CLIC5: variants seen among roughly 807,000 people sequenced by gnomAD.
CLIC5 encodes the protein CLIC family member 5.
CLIC5 carries 20 observed loss-of-function variants against 24.7 expected under a neutral mutation model. The observed-to-expected ratio is 0.81, with a 90% confidence interval of 0.57 to 1.18. The LOEUF (loss-of-function observed/expected upper bound fraction) is 1.18, where lower values mean the gene tolerates loss of function less well. Ranked by LOEUF, CLIC5 falls within the 50% of genes most tolerant of loss-of-function variation. CLIC5 has a pLI of 0.00. For missense variants in CLIC5, 341 were observed against 326.1 expected (o/e 1.05, Z -0.35); for synonymous variants, 159 against 135.6 (o/e 1.17, Z -1.20).
chr6:46,047,996 C>T (rs993588683), intron 1 of CLIC5, among the ~76,000 whole-genome samples: 1 of 144,532 alleles, frequency 6.9e-6, no homozygotes, highest in Admixed American at 7.5e-5. Context: ...ATATTCACTT[C>T]CATATCTACT....
the CLIC5 span, among the ~76,000 whole-genome samples, chr6:46,085,692 G>T: frequency 5.9e-4 from 90 of 152,298 alleles, no homozygotes; most frequent in Middle Eastern, 0.017. Flanking sequence ...CTACTGGGGG[G>T]TGCCTCCCAG....
intron 1 of CLIC5, among the ~76,000 whole-genome samples, chr6:46,060,148 G>A (rs1192936140): frequency 6.6e-6 from 1 of 152,092 alleles, no homozygotes; most frequent in African/African-American, 2.4e-5. Context: ...TATAATTTAG[G>A]AGGCATAGTC....
At chr6:46,080,075 A>G in exon 1 of CLIC5, 1 of 1,551,656 alleles carries the variant, frequency 6.4e-7, no homozygotes. Flanking sequence ...ACACAAAATC[A>G]TACTCATGGG....
intron 1 of CLIC5, among the ~76,000 whole-genome samples, chr6:46,024,503 A>T (rs1460640709): frequency 6.6e-6 from 1 of 152,152 alleles, no homozygotes; most frequent in Non-Finnish European, 1.5e-5. Context: ...ACCACCACTA[A>T]GACAGAACCT....
intron 1 of CLIC5, among the ~76,000 whole-genome samples, chr6:45,984,328 A>G (rs6935034): frequency 0.037 from 5,675 of 152,264 alleles, 350 homozygotes; most frequent in African/African-American, 0.13. Context: ...CCGCAATGCC[A>G]GTACTGTCAC....
intron 3 of CLIC5, among the ~76,000 whole-genome samples, chr6:45,945,443 G>A (rs1485952941): frequency 6.6e-6 from 1 of 152,064 alleles, no homozygotes; most frequent in African/African-American, 2.4e-5. Flanking sequence ...ATGTCACCAT[G>A]ACATTTTTTT....
downstream of CLIC5, among the ~76,000 whole-genome samples, chr6:45,895,412 C>G (rs1399672580): frequency 6.6e-6 from 1 of 152,168 alleles, no homozygotes; most frequent in South Asian, 2.1e-4. Flanking sequence ...CAGATAAATG[C>G]TGTACACACT....
chr6:45,973,267 G>A (rs1765263789), intron 1 of CLIC5, among the ~76,000 whole-genome samples: 1 of 152,204 alleles, frequency 6.6e-6, no homozygotes, highest in African/African-American at 2.4e-5. Context: ...GGCTGGGTTA[G>A]TAAACTGGGC....
At position 45,903,086 on chromosome 6, in the gene CLIC5, G is replaced by A; in HGVS notation, c.*2C>T. 6.2e-7 allele frequency: 1 copy of A among 1,614,132 alleles called. No individual in the cohort carries two copies. Among genetic ancestry groups the A allele is most frequent in the South Asian group, 1.1e-5 (1 of 91,084 alleles). ...AGCGGGGATGGGGCAAAATGGCTGT[G>A]CTCAGGATCGGCTGAGGCGTTTGGC... On this transcript the variant is annotated 3_prime_UTR_variant, in exon 6 of 6. Transcript: ENST00000339561.
At chr6:45,979,951 CTT>C (rs3997321) in intron 1 of CLIC5, among the ~76,000 whole-genome samples, 121 of 95,026 alleles carry the variant, frequency 1.3e-3, no homozygotes, top group Non-Finnish European at 6.4e-4. Context: ...GACTTAGTCA[CTT>C]TTTTTTTTTT....
chr6:45,981,221 AG>A (rs1357150104), intron 1 of CLIC5, among the ~76,000 whole-genome samples: 2 of 151,990 alleles, frequency 1.3e-5, no homozygotes, highest in African/African-American at 4.8e-5. Flanking sequence ...CACCCACCTC[AG>A]CCTCCCAAAG....
chr6:45,980,564 T>C (rs1765534330), intron 1 of CLIC5, among the ~76,000 whole-genome samples: 1 of 151,438 alleles, frequency 6.6e-6, no homozygotes, highest in Non-Finnish European at 1.5e-5. Context: ...AAAACAAAAA[T>C]AAAAGTTGAA....
At chr6:45,916,970 C>T (rs1208385540) in intron 4 of CLIC5, among the ~76,000 whole-genome samples, 2 of 152,150 alleles carry the variant, frequency 1.3e-5, no homozygotes, top group African/African-American at 4.8e-5. Context: ...ACTGCAAGGC[C>T]TGGGACTAAA....
At position 45,901,232 on chromosome 6, in the gene CLIC5, C is replaced by T. The variant is rs1003988979; in HGVS notation, c.*1856G>A. 2.0e-5 allele frequency: 3 copies of T among 152,254 alleles called. No homozygotes were observed. The East Asian group carries it at 5.8e-4, about 29-fold the overall frequency. The allele number at this position is 152,254 out of a possible 1,614,324, so 9.4% of individuals were successfully genotyped here. On this transcript the variant is annotated 3_prime_UTR_variant, in exon 6 of 6. Coordinates refer to ENST00000339561, the MANE Select transcript of CLIC5 (RefSeq NM_016929.5). ...GTTAAACATCTCCAGGGCACAATTT[C>T]CAGGGGGACCTGGAAAGGTTCCTTT...
intron 1 of CLIC5, among the ~76,000 whole-genome samples, chr6:46,036,882 A>C (rs1007205574): frequency 6.6e-6 from 1 of 152,222 alleles, no homozygotes; most frequent in Non-Finnish European, 1.5e-5. Context: ...CTGCACTCCA[A>C]ATTCTCTATC....
chr6:45,953,744 G>A (rs1032755814), intron 2 of CLIC5, among the ~76,000 whole-genome samples: 3 of 152,112 alleles, frequency 2.0e-5, no homozygotes, highest in African/African-American at 7.2e-5. Context: ...TCACATAAAG[G>A]ATGGGTCAGA....
At chr6:45,918,934 C>A (rs942597944) in intron 4 of CLIC5, 8 of 985,044 alleles carry the variant, frequency 8.1e-6, no homozygotes, top group Non-Finnish European at 9.6e-6. Context: ...CTTAGACTTA[C>A]CCAGGGCACA....
At chr6:45,969,902 G>C (rs1042104156) in intron 1 of CLIC5, among the ~76,000 whole-genome samples, 1 of 151,740 alleles carries the variant, frequency 6.6e-6, no homozygotes, top group Admixed American at 6.6e-5. Context: ...AGGATAGAAG[G>C]GAAGCTGTGT....
In CLIC5 at chr6:45,903,233, T is replaced by G. The variant is rs200204343; in HGVS notation, c.611A>C (p.Asn204Thr). The G allele has an allele frequency of 3.6e-5, 58 of 1,600,922 alleles. No individual in the cohort carries two copies. The highest frequency in any genetic ancestry group is 1.7e-4 in the Middle Eastern group (1 of 6,006). ...VVKIVAKKYRNYDIPAEMTGL... is the reference protein window; with the variant it reads ...VVKIVAKKYRTYDIPAEMTGL... Reference sequence around the variant, plus strand: ...TGTCATCTCAGCCGGGATATCATAGTTGCGGTATTTCTTGGCCACAATCTA... The same window carrying G: ...TGTCATCTCAGCCGGGATATCATAGGTGCGGTATTTCTTGGCCACAATCTA... Residue 204 changes from asparagine (N) to threonine (T), a missense_variant, in exon 6 of 6, where the codon AAC becomes ACC. By Grantham distance (65) the Asn-to-Thr change is moderately conservative. Coordinates refer to ENST00000339561, the MANE Select transcript of CLIC5 (RefSeq NM_016929.5).
Sources: gnomAD v4.1 joint callset for allele counts (sites outside exome capture counted in the v4.1 genomes callset) on GRCh38, gnomAD v4.1.1 for gene constraint, MANE v1.5 for transcripts, NCBI Gene and HGNC (gene_info 2026-07-23, HGNC 2026-07-21) for gene names.